DNAH17: variants seen among roughly 807,000 people sequenced by gnomAD.
The protein encoded by DNAH17 is dynein axonemal heavy chain 17.
A neutral mutation model predicts 485.6 loss-of-function variants in DNAH17; 376 were observed. The ratio of observed to expected loss-of-function variants is 0.77; its 90% CI spans 0.71 to 0.84. DNAH17 has a LOEUF of 0.84. Among genes scored for constraint, DNAH17 ranks in the 40% least tolerant of loss-of-function variants. The probability of loss-of-function intolerance (pLI) is 0.00; values close to 1 mark genes in which losing one functional copy is unlikely to be tolerated. For synonymous variants in DNAH17, 3,031 were observed against 2,405.9 expected, an observed-to-expected ratio of 1.26 and a Z score of -7.60; for missense variants, 6,370 against 5,839.3, an observed-to-expected ratio of 1.09 and a Z score of -2.96.
intron 31 of DNAH17, 114 bp from the exon 32 acceptor site, chr17:78,503,125 G>C: frequency 1.6e-6 from 2 of 1,287,748 alleles, no homozygotes; most frequent in Non-Finnish European, 2.0e-6. Context: ...TCATCCCAGG[G>C]GCAGACAGGT....
In DNAH17 at chr17:78,561,924, C is replaced by T. The variant is rs755030354; in HGVS notation, c.1626G>A (p.Ala542=). 140 of 1,613,196 alleles carry T rather than the reference C, an allele frequency of 8.7e-5. No homozygotes were observed. In the Admixed American group the frequency reaches 1.6e-3, roughly 19 times the overall value. ...GCTCCAGCATGACTGAATACCTGGGCGCCACCTCGGCAAGAATCAGGGGCC... is the reference window on the plus strand; with the variant it reads ...GCTCCAGCATGACTGAATACCTGGGTGCCACCTCGGCAAGAATCAGGGGCC... ...MERPLILAEV[A]PRYSVMLELF... Residue 542 remains alanine, a synonymous_variant, in exon 12 of 81, where the codon GCG becomes GCA. Transcript: ENST00000389840.
At chr17:78,537,232 G>C in intron 19 of DNAH17, 67 bp downstream of exon 19, 1 of 1,477,118 alleles carries the variant, frequency 6.8e-7, no homozygotes, top group Non-Finnish European at 9.2e-7. Flanking sequence ...GCCGAGTTAG[G>C]GCGGCAACAC....
At chr17:78,530,557 A>T (rs568113415) in intron 20 of DNAH17, 45 bp from the exon 21 acceptor site, 4 of 1,496,124 alleles carry the variant, frequency 2.7e-6, no homozygotes, top group Non-Finnish European at 2.7e-6. Context: ...CTGCAAGCCT[A>T]GGGGGGGCGT....
rs533648406 is a variant in DNAH17 at position 78,459,263 on chromosome 17, G to A, written c.9654-55C>T. 1.1e-4 allele frequency: 172 copies of A among 1,536,290 alleles called. 1 individual carries two copies. In the South Asian group the frequency reaches 1.5e-3, roughly 13 times the overall value. ...TCACCCTGTCCTGCTCTGGCAAAACGGGCCCAGAGAAGCTGAGTGTCTTGC... is the reference window on the plus strand; with the variant it reads ...TCACCCTGTCCTGCTCTGGCAAAACAGGCCCAGAGAAGCTGAGTGTCTTGC... On this transcript the variant is annotated intron_variant, in intron 60 of 80. Coordinates refer to ENST00000389840, the MANE Select transcript of DNAH17 (RefSeq NM_173628.4).
chr17:78,496,467 C>CG (rs1283960734), intron 37 of DNAH17, among the ~76,000 whole-genome samples: 1 of 19,922 alleles, frequency 5.0e-5, no homozygotes, highest in Non-Finnish European at 9.3e-5. Context: ...GGGTGGTGGG[C>CG]GGGGGGAGGG....
At chr17:78,510,276 C>T (rs1044074763) in intron 27 of DNAH17, 108 bp downstream of exon 27, 28 of 1,514,136 alleles carry the variant, frequency 1.8e-5, no homozygotes, top group East Asian at 2.3e-5. Context: ...CCAGACTTCC[C>T]GTGAGAGCCT....
At chr17:78,549,377 T>C (rs1210273486) in intron 16 of DNAH17, among the ~76,000 whole-genome samples, 1 of 152,186 alleles carries the variant, frequency 6.6e-6, no homozygotes, top group Non-Finnish European at 1.5e-5. Flanking sequence ...TATTTTCTTG[T>C]AGCCTCCTGA....
intron 19 of DNAH17, among the ~76,000 whole-genome samples, chr17:78,537,035 G>A (rs989642964): frequency 6.6e-6 from 1 of 151,888 alleles, no homozygotes; most frequent in African/African-American, 2.4e-5. Context: ...AAAATTAGCC[G>A]GGTGTGGTGG....
At chr17:78,562,477 G>A (rs1425441263) in intron 11 of DNAH17, among the ~76,000 whole-genome samples, 4 of 152,058 alleles carry the variant, frequency 2.6e-5, no homozygotes, top group East Asian at 1.9e-4. Flanking sequence ...TCCAGTTTTT[G>A]TATTCTTTTG....
chr17:78,541,698 G>A (rs2091593470), intron 17 of DNAH17, among the ~76,000 whole-genome samples: 1 of 152,000 alleles, frequency 6.6e-6, no homozygotes, highest in Admixed American at 6.5e-5. Context: ...CCTGCTGCTT[G>A]GCTTCAACCT....
At position 78,441,166 on chromosome 17, in the gene DNAH17, G is replaced by A. The variant is rs759004878; in HGVS notation, c.11562C>T (p.Phe3854=). The A allele has an allele frequency of 1.1e-5, 17 of 1,613,886 alleles. No individual in the cohort carries two copies. Among genetic ancestry groups the A allele is most frequent in the East Asian group, 4.5e-5 (2 of 44,890 alleles). Residue 3854 remains phenylalanine (F), a synonymous_variant, in exon 72 of 81, where the codon TTC becomes TTT. Transcript: ENST00000389840. Reference sequence around the variant, plus strand: ...AAAACTCAACACTCCGGCCTTCCACGAACTTGCTGCCCATCTTTTCCTCCA... The same window carrying A: ...AAAACTCAACACTCCGGCCTTCCACAAACTTGCTGCCCATCTTTTCCTCCA... ...NFVEEKMGSK[F]VEGRSVEFSK...
intron 69 of DNAH17, among the ~76,000 whole-genome samples, chr17:78,447,644 G>T (rs74001338): frequency 0.021 from 3,267 of 152,236 alleles, 113 homozygotes; most frequent in African/African-American, 0.074. Flanking sequence ...TGGAAAATTA[G>T]GGGGAGCACT....
intron 75 of DNAH17, among the ~76,000 whole-genome samples, chr17:78,431,375 G>A (rs774473314): frequency 6.6e-6 from 1 of 151,754 alleles, no homozygotes; most frequent in African/African-American, 2.4e-5. Context: ...GGCCCCACAC[G>A]CTCCTCAGGA....
At chr17:78,536,060 T>A (rs1278706321) in intron 19 of DNAH17, among the ~76,000 whole-genome samples, 1 of 152,160 alleles carries the variant, frequency 6.6e-6, no homozygotes, top group Non-Finnish European at 1.5e-5. Context: ...GTGTCTTGTT[T>A]GATGCGTTTA....
chr17:78,480,037 TTTTTTTTTTTTTAA>T (rs1231569412), intron 49 of DNAH17, among the ~76,000 whole-genome samples: 1 of 75,140 alleles, frequency 1.3e-5, no homozygotes, highest in African/African-American at 7.5e-5. Context: ...TTTTTTTTTT[TTTTTTTTTTTTTAA>T]AAAAAGTATG....
At chr17:78,553,598 T>G (rs562756339) in intron 14 of DNAH17, among the ~76,000 whole-genome samples, 68 of 152,162 alleles carry the variant, frequency 4.5e-4, no homozygotes, top group Non-Finnish European at 8.8e-4. Flanking sequence ...TATAGCAATG[T>G]AACAGCCTAA....
Position 78,429,296 on chromosome 17 carries a change from G to A in DNAH17, c.12230C>T (p.Pro4077Leu). ...AAAAAGGTAGCGGAGATCGTCCCAGGGCACCTGAGGAAGGATGACAGCGGG... is the reference window on the plus strand; with the variant it reads ...AAAAAGGTAGCGGAGATCGTCCCAGAGCACCTGAGGAAGGATGACAGCGGG... ...YNYLEANPKV[P>L]WDDLRYLFGE... Residue 4077 changes from proline (P) to leucine (L), a missense_variant, in exon 76 of 81, where the codon CCC becomes CTC. Physicochemically the swap from Pro to Leu is moderately conservative, Grantham distance 98. Coordinates refer to ENST00000389840, the MANE Select transcript of DNAH17 (RefSeq NM_173628.4). 1 of 1,613,298 alleles carries A rather than the reference G, an allele frequency of 6.2e-7. No individual in the cohort carries two copies. Among genetic ancestry groups the A allele is most frequent in the Non-Finnish European group, 8.5e-7 (1 of 1,179,522 alleles).
intron 25 of DNAH17, among the ~76,000 whole-genome samples, chr17:78,523,045 G>A (rs1016921557): frequency 5.9e-5 from 9 of 152,160 alleles, no homozygotes; most frequent in African/African-American, 2.2e-4. Context: ...AGTAGAAACA[G>A]GGGTCTTGCT....
At position 78,574,736 on chromosome 17, in the gene DNAH17, G is replaced by T. The variant is rs376352834; in HGVS notation, c.322C>A (p.Gln108Lys). Reference sequence around the variant, plus strand: ...ACCTCCTCCACCACCGCGATCAGCTGGTCCACGGGTGTGGGGCTGATGTCG... The same window carrying T: ...ACCTCCTCCACCACCGCGATCAGCTTGTCCACGGGTGTGGGGCTGATGTCG... ...YGDISPTPVD[Q>K]LIAVVEEVLS... The change falls in exon 2 of 81, where the codon CAG (glutamine) becomes AAG (lysine). Residue 108 changes from glutamine to lysine, a missense_variant. Coordinates refer to ENST00000389840, the MANE Select transcript of DNAH17 (RefSeq NM_173628.4). 2 of 1,608,784 alleles carry T rather than the reference G, an allele frequency of 1.2e-6. No homozygotes were observed. Among genetic ancestry groups the T allele is most frequent in the Non-Finnish European group, 8.5e-7 (1 of 1,176,184 alleles).
Sources: gnomAD v4.1 joint callset for allele counts (sites outside exome capture counted in the v4.1 genomes callset) on GRCh38, gnomAD v4.1.1 for gene constraint, MANE v1.5 for transcripts, NCBI Gene and HGNC (gene_info 2026-07-23, HGNC 2026-07-21) for gene names.